ZWILCH: variants seen among roughly 807,000 people sequenced by gnomAD.
The protein encoded by ZWILCH is protein zwilch homolog.
Under a neutral mutation model 79.9 loss-of-function variants are expected in ZWILCH, and 74 were observed. The ratio of observed to expected loss-of-function variants is 0.93; its 90% CI spans 0.77 to 1.12. The LOEUF is 1.12. Ranked by LOEUF, ZWILCH falls within the 50% of genes most tolerant of loss-of-function variation. The probability of loss-of-function intolerance (pLI) is 0.00; values close to 1 mark genes in which losing one functional copy is unlikely to be tolerated. For synonymous variants in ZWILCH, 241 were observed against 228.2 expected, an observed-to-expected ratio of 1.06 and a Z score of -0.51; for missense variants, 694 against 687.5, an observed-to-expected ratio of 1.01 and a Z score of -0.11.
chr15:66,538,670 C>T (rs1340420438), intron 16 of ZWILCH, among the ~76,000 whole-genome samples: 1 of 152,182 alleles, frequency 6.6e-6, no homozygotes, highest in Non-Finnish European at 1.5e-5. Flanking sequence ...TGTGAGCCAC[C>T]ATGCTCGGTC....
chr15:66,536,206 A>G, intron 15 of ZWILCH, 137 bp downstream of exon 15: 1 of 670,540 alleles, frequency 1.5e-6, no homozygotes, highest in Admixed American at 4.0e-5. Context: ...GCATGAGTCT[A>G]AGTCAGTGCC....
At chr15:66,529,013 G>A (rs1894778351) in intron 11 of ZWILCH, 56 bp downstream of exon 11, 2 of 1,437,228 alleles carry the variant, frequency 1.4e-6, no homozygotes, top group Non-Finnish European at 1.9e-6. Flanking sequence ...TTATTTTTAA[G>A]TCTTTTGGAA....
At chr15:66,515,219 G>C (rs1894208840) in intron 3 of ZWILCH, among the ~76,000 whole-genome samples, 1 of 152,084 alleles carries the variant, frequency 6.6e-6, no homozygotes. Context: ...AGAATGCTGG[G>C]ATTACAGGCA....
chr15:66,506,340 C>T (rs1893817597), intron 1 of ZWILCH, among the ~76,000 whole-genome samples: 1 of 152,136 alleles, frequency 6.6e-6, no homozygotes, highest in Admixed American at 6.5e-5. Context: ...TTTTTAGCTG[C>T]TATATAGTAT....
Position 66,508,979 on chromosome 15 carries a change from A to G in ZWILCH, c.105+87A>G, listed in dbSNP as rs575720115. 32 of 1,385,802 alleles carry G rather than the reference A, an allele frequency of 2.3e-5. No individual in the cohort carries two copies. In the East Asian group the frequency reaches 3.7e-4, roughly 16 times the overall value. 85.8% of individuals were successfully genotyped at this position (1,385,802 alleles called of 1,614,324 possible). Reference sequence around the variant, plus strand: ...TTTTGAGACGGAGTCATGCTCTGTTACCCAGGCTGGAGTGCAGTGGCGCGA... The same window carrying G: ...TTTTGAGACGGAGTCATGCTCTGTTGCCCAGGCTGGAGTGCAGTGGCGCGA... On this transcript the variant is annotated intron_variant, in intron 2 of 18. Transcript: ENST00000307897.
chr15:66,544,724 T>TTATGTGTGTGTG (rs145952622), intron 17 of ZWILCH, among the ~76,000 whole-genome samples: 1 of 128,490 alleles, frequency 7.8e-6, no homozygotes, highest in Non-Finnish European at 1.6e-5. Flanking sequence ...TTTTTGGTTT[T>TTATGTGTGTGTG]TGTGTGTGTG....
At chr15:66,509,856 T>TAC (rs1893983521) in intron 2 of ZWILCH, among the ~76,000 whole-genome samples, 1 of 89,834 alleles carries the variant, frequency 1.1e-5, no homozygotes, top group African/African-American at 3.8e-5. Flanking sequence ...TATATATATA[T>TAC]ATATATATAT....
Position 66,508,847 on chromosome 15 carries a change from T to G in ZWILCH, c.60T>G (p.Phe20Leu), listed in dbSNP as rs764175147. 2 of 1,613,978 alleles carry G rather than the reference T, an allele frequency of 1.2e-6. No homozygotes were observed. Among genetic ancestry groups the G allele is most frequent in the Non-Finnish European group, 1.7e-6 (2 of 1,180,012 alleles). ...EDFYSRLLQK[F>L]NEEKKGIRKD... is the part of the protein sequence containing the mutation. ...ATGTGGTTCTGCGTTTCAGGAAATT[T>G]AATGAAGAAAAGAAAGGAATCCGTA... The change falls in exon 2 of 19, where the codon TTT becomes TTG. Residue 20 changes from phenylalanine (F) to leucine (L), a missense_variant. Physicochemically the swap from Phe to Leu is conservative, Grantham distance 22. Transcript: ENST00000307897.
At chr15:66,526,753 C>T (rs1015333629) in intron 8 of ZWILCH, among the ~76,000 whole-genome samples, 2 of 152,042 alleles carry the variant, frequency 1.3e-5, no homozygotes, top group East Asian at 1.9e-4. Flanking sequence ...TGAGCCACGG[C>T]GCCCGGCACT....
chr15:66,545,593 T>G (rs1895344389), intron 17 of ZWILCH, among the ~76,000 whole-genome samples: 1 of 152,224 alleles, frequency 6.6e-6, no homozygotes. Flanking sequence ...TAAGGAATTC[T>G]TATAAAATCA....
chr15:66,545,050 T>C, intron 17 of ZWILCH, among the ~76,000 whole-genome samples: 1 of 141,938 alleles, frequency 7.0e-6, no homozygotes, highest in East Asian at 2.2e-4. Context: ...CTGAAAAAAA[T>C]GCCATTTTAA....
chr15:66,525,434 A>G (rs1894637779), intron 8 of ZWILCH, among the ~76,000 whole-genome samples: 1 of 152,174 alleles, frequency 6.6e-6, no homozygotes, highest in South Asian at 2.1e-4. Flanking sequence ...TTATAAATGG[A>G]TAGGATTTTT....
chr15:66,533,082 T>C (rs1281353665), intron 14 of ZWILCH, 69 bp downstream of exon 14: 2 of 1,090,204 alleles, frequency 1.8e-6, no homozygotes, highest in East Asian at 5.1e-5. Context: ...AGTTATTAAC[T>C]GCCAATAATA....
chr15:66,520,610 A>T lies in ZWILCH; in HGVS notation c.541A>T (p.Asn181Tyr). 1 of 1,535,646 alleles carries T rather than the reference A, an allele frequency of 6.5e-7. No homozygotes were observed. Among genetic ancestry groups the T allele is most frequent in the Non-Finnish European group, 9.0e-7 (1 of 1,114,968 alleles). The change falls in exon 6 of 19, where the codon AAT (asparagine) becomes TAT (tyrosine). Residue 181 changes from asparagine to tyrosine, a missense_variant. Coordinates refer to ENST00000307897, the MANE Select transcript of ZWILCH (RefSeq NM_017975.5). ...SCKADKNYSV[N>Y]LENLKNLHKK... is the part of the protein sequence containing the mutation. ...TATAGCTGATAAAAATTATTCTGTA[A>T]ATCTTGAAAACCTAAAAAATTTACA... is the stretch of plus-strand genomic sequence containing the variant.
intron 12 of ZWILCH, among the ~76,000 whole-genome samples, chr15:66,531,229 G>A (rs1351664841): frequency 3.3e-5 from 5 of 152,168 alleles, no homozygotes; most frequent in African/African-American, 1.2e-4. Context: ...ATGGACCATT[G>A]AGGGAGCTTG....
intron 10 of ZWILCH, 78 bp from the exon 11 acceptor site, chr15:66,528,774 C>G (rs1467552076): frequency 8.3e-7 from 1 of 1,204,496 alleles, no homozygotes; most frequent in East Asian, 2.4e-5. Flanking sequence ...CATAATTTCT[C>G]AGAGCAGCAT....
At position 66,506,987 on chromosome 15, in the gene ZWILCH, G is replaced by C. The variant is rs1893853637; in HGVS notation, c.53+1596G>C. On this transcript the variant is annotated intron_variant, in intron 1 of 18. Coordinates refer to ENST00000307897, the MANE Select transcript of ZWILCH (RefSeq NM_017975.5). Reference sequence around the variant, plus strand: ...TTCTCCTGCCTCAGCCTCCCGAGTAGCTGGGACTACAGGCGCATGCCACCA... The same window carrying C: ...TTCTCCTGCCTCAGCCTCCCGAGTACCTGGGACTACAGGCGCATGCCACCA... Among the ~76,000 whole-genome samples the C allele has an allele frequency of 2.0e-5, 3 of 151,872 alleles. No homozygotes were observed. The South Asian group carries it at 6.2e-4, about 32-fold the overall frequency.
At chr15:66,520,446 C>A in intron 5 of ZWILCH, 144 bp from the exon 6 acceptor site, 1 of 628,770 alleles carries the variant, frequency 1.6e-6, no homozygotes, top group Non-Finnish European at 2.9e-6. Context: ...ATAAACATTT[C>A]ACTTATCTGT....
intron 2 of ZWILCH, among the ~76,000 whole-genome samples, chr15:66,512,309 A>C (rs1894097164): frequency 6.6e-6 from 1 of 152,096 alleles, no homozygotes; most frequent in African/African-American, 2.4e-5. Context: ...CCCAGGCTGA[A>C]GTTCAGTAGT....
Sources: allele counts gnomAD v4.1 joint callset (sites outside exome capture counted in the v4.1 genomes callset), GRCh38; gene constraint gnomAD v4.1.1; transcripts MANE v1.5; gene names NCBI Gene and HGNC (gene_info 2026-07-23, HGNC 2026-07-21).